EXOC4: variants seen among roughly 807,000 people sequenced by gnomAD.
EXOC4 encodes SEC8-like 1.
Under a neutral mutation model 107.2 loss-of-function variants are expected in EXOC4, and 71 were observed. That is an observed-to-expected ratio of 0.66 (90% CI 0.55 to 0.81). The LOEUF is 0.81. Ranked by LOEUF, EXOC4 falls within the 30% of genes least tolerant of loss-of-function variation. EXOC4 has a pLI of 0.00. For synonymous variants in EXOC4, 456 were observed against 441.2 expected, an observed-to-expected ratio of 1.03 and a Z score of -0.42; for missense variants, 1,108 against 1,189.6, an observed-to-expected ratio of 0.93 and a Z score of 1.01.
intron 10 of EXOC4, among the ~76,000 whole-genome samples, chr7:133,808,660 T>G (rs1247068338): frequency 6.6e-6 from 1 of 152,196 alleles, no homozygotes; most frequent in Non-Finnish European, 1.5e-5. Flanking sequence ...TTGGGTTTGA[T>G]TCCCAAAGCC....
intron 10 of EXOC4, among the ~76,000 whole-genome samples, chr7:133,642,035 T>C (rs1802868865): frequency 6.6e-6 from 1 of 152,230 alleles, no homozygotes; most frequent in South Asian, 2.1e-4. Context: ...CTTTTTTACA[T>C]GTTTTTGATT....
At chr7:133,633,008 G>C (rs901966249) in intron 10 of EXOC4, among the ~76,000 whole-genome samples, 13 of 152,118 alleles carry the variant, frequency 8.5e-5, no homozygotes, top group African/African-American at 3.1e-4. Context: ...CTTGGTTCAG[G>C]ACTAGGCTCC....
chr7:133,310,851 G>A (rs1794855579), intron 4 of EXOC4, among the ~76,000 whole-genome samples: 1 of 152,162 alleles, frequency 6.6e-6, no homozygotes, highest in African/African-American at 2.4e-5. Context: ...AGTAGGAAGT[G>A]GGGCCTTCTT....
At chr7:133,998,087 C>G (rs1456291147) in intron 15 of EXOC4, among the ~76,000 whole-genome samples, 2 of 152,118 alleles carry the variant, frequency 1.3e-5, no homozygotes, top group African/African-American at 2.4e-5. Flanking sequence ...CTAAAGTGCT[C>G]TGCTAGTCAA....
downstream of EXOC4, among the ~76,000 whole-genome samples, chr7:134,068,623 C>T (rs1796220018): frequency 3.9e-5 from 6 of 152,180 alleles, no homozygotes; most frequent in Admixed American, 3.9e-4. Context: ...GGTACTATTA[C>T]TTCTATTACA....
chr7:133,906,531 G>A (rs1799568912), intron 12 of EXOC4, among the ~76,000 whole-genome samples: 1 of 152,232 alleles, frequency 6.6e-6, no homozygotes, highest in South Asian at 2.1e-4. Context: ...GAGGGACAAT[G>A]ATCAGGATAT....
intron 6 of EXOC4, among the ~76,000 whole-genome samples, chr7:133,371,936 C>G (rs960903541): frequency 6.6e-6 from 1 of 152,034 alleles, no homozygotes; most frequent in Admixed American, 6.6e-5. Flanking sequence ...CCTAGTGGAC[C>G]GAAATTCTAG....
intron 9 of EXOC4, 168 bp downstream of exon 9, chr7:133,480,306 A>G (rs552631990): frequency 7.8e-5 from 113 of 1,451,274 alleles, no homozygotes; most frequent in East Asian, 1.5e-4. Context: ...CCAAGCAGGT[A>G]AAACTATTAC....
rs530698387 is a variant in EXOC4, at chr7:134,031,834, G to GT, written c.2687+24007dup. 1.3e-4 allele frequency among the ~76,000 whole-genome samples: 20 copies of GT among 152,170 alleles called. No homozygotes were observed. In the East Asian group the frequency reaches 3.7e-3, roughly 28 times the overall value. ...ACAGAATTATTTTGTTTGCAACAAA[G>GT]TTTTTTTTGTAAGTTTTCATTTGTT... On this transcript the variant is annotated intron_variant, in intron 17 of 17. Transcript: ENST00000253861.
chr7:133,653,900 C>T (rs1803224044), intron 10 of EXOC4, among the ~76,000 whole-genome samples: 1 of 152,120 alleles, frequency 6.6e-6, no homozygotes, highest in South Asian at 2.1e-4. Flanking sequence ...GAATTCAGGG[C>T]TAGAGAAATT....
intron 10 of EXOC4, among the ~76,000 whole-genome samples, chr7:133,738,545 G>C: frequency 6.6e-6 from 1 of 152,132 alleles, no homozygotes; most frequent in Non-Finnish European, 1.5e-5. Flanking sequence ...CATTCTTTGT[G>C]ATTAGCTATC....
Position 133,905,911 on chromosome 7 carries a change from G to C in EXOC4, c.1871+10176G>C, listed in dbSNP as rs55961771. Among the ~76,000 whole-genome samples, 314 of 152,240 alleles carry C rather than the reference G, an allele frequency of 2.1e-3. No homozygotes were observed. In the Middle Eastern group the frequency reaches 0.031, roughly 15 times the overall value. ...GGGCTAGGCAGCTTGTTGACCCTCG[G>C]TATGCTCATTGAGGAAATTTCTACC... is the stretch of plus-strand genomic sequence containing the variant. On this transcript the variant is annotated intron_variant, in intron 12 of 17. Coordinates refer to ENST00000253861, the MANE Select transcript of EXOC4 (RefSeq NM_021807.4).
At chr7:133,487,182 C>T (rs1245721786) in intron 9 of EXOC4, among the ~76,000 whole-genome samples, 1 of 152,094 alleles carries the variant, frequency 6.6e-6, no homozygotes, top group Non-Finnish European at 1.5e-5. Context: ...TACAAAATAA[C>T]CATCACAAAG....
At chr7:133,797,112 T>C (rs1448646103) in intron 10 of EXOC4, among the ~76,000 whole-genome samples, 1 of 152,192 alleles carries the variant, frequency 6.6e-6, no homozygotes, top group Non-Finnish European at 1.5e-5. Context: ...CTGACCGGCT[T>C]AGGAACGTTT....
At chr7:133,882,874 A>G (rs1439420668) in intron 11 of EXOC4, among the ~76,000 whole-genome samples, 1 of 152,218 alleles carries the variant, frequency 6.6e-6, no homozygotes, top group Non-Finnish European at 1.5e-5. Context: ...CTCATCCATT[A>G]AAGAGTTCTA....
At chr7:133,919,373 A>G (rs1563057184) in intron 13 of EXOC4, among the ~76,000 whole-genome samples, 2 of 152,214 alleles carry the variant, frequency 1.3e-5, no homozygotes, top group African/African-American at 2.4e-5. Flanking sequence ...ATACTGATAC[A>G]ATATTAATGA....
At chr7:134,012,424 T>G (rs986529855) in intron 17 of EXOC4, among the ~76,000 whole-genome samples, 1 of 152,172 alleles carries the variant, frequency 6.6e-6, no homozygotes, top group East Asian at 1.9e-4. Context: ...TGCTGAGGAA[T>G]CAGAAGTGAA....
intron 5 of EXOC4, among the ~76,000 whole-genome samples, chr7:133,325,389 C>G (rs919360151): frequency 7.2e-5 from 11 of 152,084 alleles, no homozygotes; most frequent in Non-Finnish European, 1.6e-4. Context: ...TTCAGGAGCT[C>G]TTGTAAGGCA....
chr7:133,895,854 T>G (rs1300747542), intron 12 of EXOC4, 119 bp downstream of exon 12: 1 of 1,084,082 alleles, frequency 9.2e-7, no homozygotes, highest in African/African-American at 1.6e-5. Context: ...TGTCAAGAGA[T>G]GAGAACATGC....
Sources: allele counts gnomAD v4.1 joint callset (sites outside exome capture counted in the v4.1 genomes callset), GRCh38; gene constraint gnomAD v4.1.1; transcripts MANE v1.5; gene names NCBI Gene and HGNC (gene_info 2026-07-23, HGNC 2026-07-21).